The following REG3A variants were observed in gnomAD, a reference collection of about 807,000 sequenced individuals.
REG3A encodes the protein regenerating family member 3 alpha.
REG3A carries 15 observed loss-of-function variants against 20.5 expected under a neutral mutation model. The observed-to-expected ratio is 0.73, with a 90% CI of 0.49 to 1.12. The LOEUF is 1.12. Among genes scored for constraint, REG3A ranks in the 50% most tolerant of loss-of-function variants. REG3A has a pLI of 0.00. For synonymous variants in REG3A, 93 were observed against 83.2 expected, an observed-to-expected ratio of 1.12 and a Z score of -0.64; for missense variants, 224 against 213.1, an observed-to-expected ratio of 1.05 and a Z score of -0.32.
chr2:79,158,793 G>A, intron 2 of REG3A, 24 bp from the exon 3 acceptor site: 2 of 1,593,160 alleles, frequency 1.3e-6, no homozygotes, highest in South Asian at 2.2e-5. Context: ...AGAGGGGGGA[G>A]GGTAAAATGA....
chr2:79,159,608 A>G, intron 1 of REG3A, 120 bp downstream of exon 1: 1 of 581,602 alleles, frequency 1.7e-6, no homozygotes, highest in Non-Finnish European at 3.1e-6. Context: ...CCCTCCCAGG[A>G]CACCCTTGCT....
rs1251678387 is a variant in REG3A, at chr2:79,157,109, G to A, written c.*117C>T. 9.4e-5 allele frequency: 72 copies of A among 767,628 alleles called. No homozygotes were observed. The highest frequency in any genetic ancestry group is 1.1e-4 in the Non-Finnish European group (47 of 435,962). The allele number at this position is 767,628 out of a possible 1,614,324, so 47.6% of individuals were successfully genotyped here. A position where few individuals can be genotyped will look rare whatever the true frequency, so the allele number is the denominator to read the frequency against. On this transcript the variant is annotated 3_prime_UTR_variant, in exon 6 of 6. Transcript: ENST00000305165. ...GAAGAAACAGAAGAAAGATAAGAAT[G>A]AGGTGGTCAGGTTGGGGGAATTAAG... is the stretch of plus-strand genomic sequence containing the variant.
At position 79,157,112 on chromosome 2, in the gene REG3A, G is replaced by C. The variant is rs1452580271; in HGVS notation, c.*114C>G. ...GAAACAGAAGAAAGATAAGAATGAG[G>C]TGGTCAGGTTGGGGGAATTAAGCGA... is the stretch of plus-strand genomic sequence containing the variant. On this transcript the variant is annotated 3_prime_UTR_variant, in exon 6 of 6. Coordinates refer to ENST00000305165, the MANE Select transcript of REG3A (RefSeq NM_002580.3). 1 of 778,116 alleles carries C rather than the reference G, an allele frequency of 1.3e-6. No individual in the cohort carries two copies. The highest frequency in any genetic ancestry group is 2.3e-6 in the Non-Finnish European group (1 of 444,102). 48.2% of individuals were successfully genotyped at this position (778,116 alleles called of 1,614,324 possible). A position where few individuals can be genotyped will look rare whatever the true frequency, so the allele number is the denominator to read the frequency against.
rs868440270 is a variant in REG3A at position 79,158,958 on chromosome 2, C to T, written c.77-189G>A. On this transcript the variant is annotated intron_variant, in intron 2 of 5. Coordinates refer to ENST00000305165, the MANE Select transcript of REG3A (RefSeq NM_002580.3). ...TAGTAAATGGAGCACCATCCAGTCTCTTATTACCCTTTCCCCTTATTCAAC... is the reference window on the plus strand; with the variant it reads ...TAGTAAATGGAGCACCATCCAGTCTTTTATTACCCTTTCCCCTTATTCAAC... The T allele has an allele frequency of 3.5e-5, 21 of 602,040 alleles. No individual in the cohort carries two copies. The Middle Eastern group carries it at 1.5e-3, about 44-fold the overall frequency. 37.3% of individuals were successfully genotyped at this position (602,040 alleles called of 1,614,324 possible). A position where few individuals can be genotyped will look rare whatever the true frequency, so the allele number is the denominator to read the frequency against.
At position 79,157,152 on chromosome 2, in the gene REG3A, G is replaced by T. The variant is rs1347718624; in HGVS notation, c.*74C>A. 3 of 1,125,628 alleles carry T rather than the reference G, an allele frequency of 2.7e-6. No individual in the cohort carries two copies. Among genetic ancestry groups the T allele is most frequent in the Non-Finnish European group, 2.7e-6 (2 of 735,838 alleles). The allele number at this position is 1,125,628 out of a possible 1,614,324, so 69.7% of individuals were successfully genotyped here. A position where few individuals can be genotyped will look rare whatever the true frequency, so the allele number is the denominator to read the frequency against. ...GAATTAAGCGAATATTCTCTTCCAG[G>T]GTGAGTCCTCACACTGGTCTCATGC... On this transcript the variant is annotated 3_prime_UTR_variant, in exon 6 of 6. Transcript: ENST00000305165.
At position 79,157,119 on chromosome 2, in the gene REG3A, G is replaced by T; in HGVS notation, c.*107C>A. On this transcript the variant is annotated 3_prime_UTR_variant, in exon 6 of 6. Transcript: ENST00000305165. ...AAGAAAGATAAGAATGAGGTGGTCA[G>T]GTTGGGGGAATTAAGCGAATATTCT... 1 of 844,060 alleles carries T rather than the reference G, an allele frequency of 1.2e-6. No individual in the cohort carries two copies. Among genetic ancestry groups the T allele is most frequent in the Non-Finnish European group, 2.0e-6 (1 of 493,060 alleles). The allele number at this position is 844,060 out of a possible 1,614,324, so 52.3% of individuals were successfully genotyped here. A position where few individuals can be genotyped will look rare whatever the true frequency, so the allele number is the denominator to read the frequency against.
rs775148112 is a variant in REG3A at position 79,157,046 on chromosome 2, G to A, written c.*180C>T. 4.7e-5 allele frequency: 29 copies of A among 619,976 alleles called. No individual in the cohort carries two copies. The highest frequency in any genetic ancestry group is 4.3e-4 in the Middle Eastern group (1 of 2,346). 38.4% of individuals were successfully genotyped at this position (619,976 alleles called of 1,614,324 possible). ...TTATTGCTCTTTAAAGCCTTAGGCC[G>A]TATGACAAAATGAAGAGACTGAAAT... On this transcript the variant is annotated 3_prime_UTR_variant, in exon 6 of 6. Transcript: ENST00000305165.
chr2:79,158,634 C>T lies in REG3A; in HGVS notation c.195+17G>A, dbSNP rs1445741149. On this transcript the variant is annotated intron_variant, in intron 3 of 5. Transcript: ENST00000305165. ...CCCTGAGACCGGTCACCTCCAACAC[C>T]ACATCTAACCACTCACATCTGCATC... is the stretch of plus-strand genomic sequence containing the variant. 6 of 1,613,500 alleles carry T rather than the reference C, an allele frequency of 3.7e-6. No individual in the cohort carries two copies. The highest frequency in any genetic ancestry group is 1.7e-6 in the Non-Finnish European group (2 of 1,179,410).
intron 3 of REG3A, 49 bp downstream of exon 3, chr2:79,158,602 C>A: frequency 6.2e-7 from 1 of 1,607,644 alleles, no homozygotes; most frequent in East Asian, 2.2e-5. Flanking sequence ...AATGGAGACC[C>A]TCCTCCCCCT....
intron 4 of REG3A, 136 bp downstream of exon 4, chr2:79,158,190 T>C: frequency 1.9e-6 from 2 of 1,039,852 alleles, no homozygotes; most frequent in Non-Finnish European, 2.8e-6. Flanking sequence ...GCCTTCCCTT[T>C]CCCCCCAAAT....
Position 79,157,030 on chromosome 2 carries a change from T to C in REG3A, c.*196A>G. 6.7e-6 allele frequency: 4 copies of C among 598,096 alleles called. No individual in the cohort carries two copies. Among genetic ancestry groups the C allele is most frequent in the Non-Finnish European group, 1.2e-5 (4 of 338,046 alleles). 37.0% of individuals were successfully genotyped at this position (598,096 alleles called of 1,614,324 possible). On this transcript the variant is annotated 3_prime_UTR_variant, in exon 6 of 6. Transcript: ENST00000305165. The stretch of plus-strand genomic sequence containing the variant: ...GTGCAGACTAAAAATTTTATTGCTC[T>C]TTAAAGCCTTAGGCCGTATGACAAA...
chr2:79,158,280 C>G (rs1222393406), intron 4 of REG3A, 46 bp downstream of exon 4: 2 of 1,596,174 alleles, frequency 1.3e-6, no homozygotes, highest in Admixed American at 3.4e-5. Flanking sequence ...GCCTGGGCAA[C>G]AATAGCACCT....
In REG3A at chr2:79,157,132, A is replaced by T; in HGVS notation, c.*94T>A. On this transcript the variant is annotated 3_prime_UTR_variant, in exon 6 of 6. Coordinates refer to ENST00000305165, the MANE Select transcript of REG3A (RefSeq NM_002580.3). ...ATGAGGTGGTCAGGTTGGGGGAATTAAGCGAATATTCTCTTCCAGGGTGAG... is the reference window on the plus strand; with the variant it reads ...ATGAGGTGGTCAGGTTGGGGGAATTTAGCGAATATTCTCTTCCAGGGTGAG... 1 of 949,872 alleles carries T rather than the reference A, an allele frequency of 1.1e-6. No individual in the cohort carries two copies. The highest frequency in any genetic ancestry group is 1.7e-6 in the Non-Finnish European group (1 of 583,080). The allele number at this position is 949,872 out of a possible 1,614,324, so 58.8% of individuals were successfully genotyped here.
At position 79,158,365 on chromosome 2, in the gene REG3A, G is replaced by A. The variant is rs745928990; in HGVS notation, c.294C>T (p.Ser98=). 1 of 1,614,144 alleles carries A rather than the reference G, an allele frequency of 6.2e-7. No homozygotes were observed. The highest frequency in any genetic ancestry group is 1.1e-5 in the South Asian group (1 of 91,080). Residue 98 remains serine, a synonymous_variant, in exon 4 of 6, where the codon AGC becomes AGT. Coordinates refer to ENST00000305165, the MANE Select transcript of REG3A (RefSeq NM_002580.3). ...VSSLVKSIGN[S]YSYVWIGLHD... is the part of the protein sequence containing the mutation. ...GGAGCCCAATCCAGACGTATGAGTA[G>A]CTGTTACCAATGCTCTTCACCAGGG... is the stretch of plus-strand genomic sequence containing the variant.
At position 79,157,661 on chromosome 2, in the gene REG3A, C is replaced by T. The variant is rs759637207; in HGVS notation, c.371G>A (p.Ser124Asn). 2 of 1,614,122 alleles carry T rather than the reference C, an allele frequency of 1.2e-6. No homozygotes were observed. Among genetic ancestry groups the T allele is most frequent in the Non-Finnish European group, 1.7e-6 (2 of 1,180,008 alleles). Residue 124 changes from serine to asparagine, a missense_variant, in exon 5 of 6, where the codon AGC (serine) becomes AAC (asparagine). By Grantham distance (46) the Ser-to-Asn change is conservative (BLOSUM62 1). Coordinates refer to ENST00000305165, the MANE Select transcript of REG3A (RefSeq NM_002580.3). ...TGCAAAGTAATTCATCACATCACTG[C>T]TACTCCACTCCCAACCTTCTCCATT... ...EPNGEGWEWS[S>N]SDVMNYFAWE...
At position 79,157,594 on chromosome 2, in the gene REG3A, A is replaced by T; in HGVS notation, c.438T>A (p.Cys146Ter). The change falls in exon 5 of 6, where the codon TGT (cysteine) becomes TGA (stop). Residue 146 changes from cysteine to a stop codon, truncating the protein, a stop_gained. Coordinates refer to ENST00000305165, the MANE Select transcript of REG3A (RefSeq NM_002580.3). LOFTEE classifies it low-confidence loss of function (END_TRUNC). ...TACCTGTGCTTCTCGACAGGCTCGC[A>T]CAGTGGCCGGGGCTTGAGATGGTGG... ...NPSTISSPGH[C>*]ASLSRSTAFL... The T allele has an allele frequency of 1.2e-6, 2 of 1,614,190 alleles. No homozygotes were observed. The highest frequency in any genetic ancestry group is 1.7e-6 in the Non-Finnish European group (2 of 1,179,994).
chr2:79,157,121 T>C lies in REG3A; in HGVS notation c.*105A>G. 1.2e-6 allele frequency: 1 copy of C among 851,476 alleles called. No individual in the cohort carries two copies. The highest frequency in any genetic ancestry group is 2.0e-6 in the Non-Finnish European group (1 of 499,732). 52.7% of individuals were successfully genotyped at this position (851,476 alleles called of 1,614,324 possible). ...GAAAGATAAGAATGAGGTGGTCAGG[T>C]TGGGGGAATTAAGCGAATATTCTCT... On this transcript the variant is annotated 3_prime_UTR_variant, in exon 6 of 6. Coordinates refer to ENST00000305165, the MANE Select transcript of REG3A (RefSeq NM_002580.3).
Position 79,157,555 on chromosome 2 carries a change from G to T in REG3A, c.460+17C>A. 6.2e-7 allele frequency: 1 copy of T among 1,612,134 alleles called. No individual in the cohort carries two copies. The highest frequency in any genetic ancestry group is 2.2e-5 in the East Asian group (1 of 44,880). On this transcript the variant is annotated intron_variant, in intron 5 of 5. Transcript: ENST00000305165. ...AGATGGAAAACACTGGGAAGAGGCA[G>T]CTCCTCTGTTTCTTACCTGTGCTTC...
chr2:79,157,792 C>A (rs1173604071), intron 4 of REG3A, 94 bp from the exon 5 acceptor site: 3 of 1,506,066 alleles, frequency 2.0e-6, no homozygotes, highest in Non-Finnish European at 2.7e-6. Flanking sequence ...TGCTCCCCAG[C>A]ATGAGGAAAG....
Sources: gnomAD v4.1 joint callset for allele counts on GRCh38, gnomAD v4.1.1 for gene constraint, MANE v1.5 for transcripts, NCBI Gene and HGNC (gene_info 2026-07-23, HGNC 2026-07-21) for gene names.